The following SLC24A2 variants were observed in gnomAD, a reference collection of about 807,000 sequenced individuals.
SLC24A2 encodes sodium/potassium/calcium exchanger 2.
In SLC24A2, 36 loss-of-function variants were observed where a neutral mutation model predicts 62.0. That is an observed-to-expected ratio of 0.58 (90% CI 0.44 to 0.77). The LOEUF is 0.77. Ranked by LOEUF, SLC24A2 falls within the 30% of genes least tolerant of loss-of-function variation. SLC24A2 has a pLI of 0.00. For missense variants in SLC24A2, 846 were observed against 817.9 expected (o/e 1.03, Z -0.42); for synonymous variants, 358 against 294.0 (o/e 1.22, Z -2.23).
the SLC24A2 span, among the ~76,000 whole-genome samples, chr9:20,075,798 C>T: frequency 6.6e-6 from 1 of 152,166 alleles, no homozygotes; most frequent in Non-Finnish European, 1.5e-5. Flanking sequence ...ACCTGCCACC[C>T]ATTTTAAGAG....
intron 2 of SLC24A2, among the ~76,000 whole-genome samples, chr9:19,662,505 G>GATCACC (rs1328081402): frequency 6.6e-6 from 1 of 152,160 alleles, no homozygotes; most frequent in Non-Finnish European, 1.5e-5. Context: ...AGTTTGAAAT[G>GATCACC]ATCACCATGC....
chr9:19,836,088 G>A, the SLC24A2 span, among the ~76,000 whole-genome samples: 1 of 152,042 alleles, frequency 6.6e-6, no homozygotes, highest in Non-Finnish European at 1.5e-5. Flanking sequence ...TGTGTAGAGG[G>A]AAATTTATAG....
At chr9:19,578,905 G>C (rs1836119402) in intron 5 of SLC24A2, among the ~76,000 whole-genome samples, 1 of 152,148 alleles carries the variant, frequency 6.6e-6, no homozygotes, top group African/African-American at 2.4e-5. Flanking sequence ...CAATCTCTAG[G>C]CCATAAGTAC....
chr9:19,631,925 T>C (rs1367038923), intron 2 of SLC24A2, among the ~76,000 whole-genome samples: 4 of 152,120 alleles, frequency 2.6e-5, no homozygotes, highest in Non-Finnish European at 4.4e-5. Context: ...GTGAGTGCAG[T>C]AGGGGTCCTC....
the SLC24A2 span, among the ~76,000 whole-genome samples, chr9:20,072,996 C>T: frequency 2.2e-4 from 34 of 152,312 alleles, no homozygotes; most frequent in African/African-American, 6.5e-4. Flanking sequence ...ACATCACACA[C>T]AGCCCCACTC....
At chr9:19,770,867 C>A (rs1229443028) in intron 2 of SLC24A2, among the ~76,000 whole-genome samples, 1 of 152,132 alleles carries the variant, frequency 6.6e-6, no homozygotes, top group Non-Finnish European at 1.5e-5. Context: ...TGGTAAAAAA[C>A]AGCTCTTTAA....
the SLC24A2 span, among the ~76,000 whole-genome samples, chr9:20,016,002 C>T: frequency 6.6e-6 from 1 of 152,168 alleles, no homozygotes; most frequent in Non-Finnish European, 1.5e-5. Flanking sequence ...ATTGCATGAA[C>T]ATGTTCACAA....
chr9:20,104,917 G>T, the SLC24A2 span, among the ~76,000 whole-genome samples: 7 of 152,178 alleles, frequency 4.6e-5, no homozygotes, highest in Admixed American at 4.6e-4. Flanking sequence ...TGGATAAAGA[G>T]TCAAGACCCA....
chr9:20,181,852 T>C, the SLC24A2 span, among the ~76,000 whole-genome samples: 1 of 152,330 alleles, frequency 6.6e-6, no homozygotes, highest in Non-Finnish European at 1.5e-5. Flanking sequence ...ATAGGCAACC[T>C]ATAGAATGGG....
chr9:19,624,121 A>G (rs1817975433), intron 2 of SLC24A2, among the ~76,000 whole-genome samples: 2 of 152,200 alleles, frequency 1.3e-5, no homozygotes, highest in African/African-American at 4.8e-5. Flanking sequence ...TCCACATCAG[A>G]CAGCTCAACA....
rs71335440 is a variant in SLC24A2 at position 19,642,671 on chromosome 9, C to CTTTTTT, written c.931-20378_931-20373dup. Among the ~76,000 whole-genome samples, 14 of 79,848 alleles carry CTTTTTT rather than the reference C, an allele frequency of 1.8e-4. 6 individuals carry two copies. The highest frequency in any genetic ancestry group is 1.5e-4 in the Non-Finnish European group (6 of 40,578). 52.4% of individuals were successfully genotyped at this position (79,848 alleles called of 152,430 possible). The stretch of plus-strand genomic sequence containing the variant: ...AGAATGGTTTATATGAGAGCGTATT[C>CTTTTTT]TTTTTTTTTTTTTTTTTTTTTTTTT... On this transcript the variant is annotated intron_variant, in intron 2 of 10. Transcript: ENST00000341998.
At chr9:19,581,738 A>G (rs1257490924) in intron 5 of SLC24A2, among the ~76,000 whole-genome samples, 1 of 152,250 alleles carries the variant, frequency 6.6e-6, no homozygotes, top group African/African-American at 2.4e-5. Flanking sequence ...TATTTCAGGC[A>G]CAGATTCCAA....
At chr9:20,204,129 C>T in the SLC24A2 span, among the ~76,000 whole-genome samples, 2 of 152,144 alleles carry the variant, frequency 1.3e-5, no homozygotes, top group African/African-American at 2.4e-5. Context: ...AAAATTATTG[C>T]TTATATATTT....
chr9:19,563,831 TC>T (rs35204482), intron 7 of SLC24A2, among the ~76,000 whole-genome samples: 1,022 of 66,924 alleles, frequency 0.015, 47 homozygotes, highest in Middle Eastern at 0.065. Flanking sequence ...CCTTCCTCCC[TC>T]CCTCCCTCCC....
the SLC24A2 span, among the ~76,000 whole-genome samples, chr9:19,980,677 A>T: frequency 6.6e-6 from 1 of 152,190 alleles, no homozygotes; most frequent in African/African-American, 2.4e-5. Context: ...AATTAAGTAG[A>T]TAAAAAGACA....
At chr9:19,584,348 A>C (rs2132870803) in intron 5 of SLC24A2, among the ~76,000 whole-genome samples, 1 of 152,186 alleles carries the variant, frequency 6.6e-6, no homozygotes, top group South Asian at 2.1e-4. Context: ...CGTGCTATGT[A>C]CTGGGCTGTA....
chr9:20,031,834 G>A, the SLC24A2 span, among the ~76,000 whole-genome samples: 28 of 152,140 alleles, frequency 1.8e-4, no homozygotes, highest in Admixed American at 1.8e-3. Context: ...TAGGGGCGTT[G>A]GTGGGCTGGT....
the SLC24A2 span, among the ~76,000 whole-genome samples, chr9:20,053,412 G>C: frequency 6.6e-6 from 1 of 152,050 alleles, no homozygotes; most frequent in Non-Finnish European, 1.5e-5. Flanking sequence ...CCTTTTGTTT[G>C]CCTTTCTTTT....
the SLC24A2 span, among the ~76,000 whole-genome samples, chr9:19,868,451 C>T: frequency 6.6e-6 from 1 of 152,150 alleles, no homozygotes; most frequent in Non-Finnish European, 1.5e-5. Context: ...AAGAATTTGC[C>T]TTCTGCAGTC....
Sources: gnomAD v4.1 joint callset for allele counts (sites outside exome capture counted in the v4.1 genomes callset) on GRCh38, gnomAD v4.1.1 for gene constraint, MANE v1.5 for transcripts, NCBI Gene and HGNC (gene_info 2026-07-23, HGNC 2026-07-21) for gene names.